The following KHDRBS2 variants were observed in gnomAD, a reference collection of about 807,000 sequenced individuals.
KHDRBS2 encodes the protein KH RNA binding domain containing, signal transduction associated 2, also known as KH domain-containing, RNA-binding, signal transduction-associated protein 2.
KHDRBS2 carries 26 observed loss-of-function variants against 44.3 expected under a neutral mutation model. That is an observed-to-expected ratio of 0.59 (90% CI 0.43 to 0.81). KHDRBS2 has a LOEUF of 0.81. Ranked by LOEUF, KHDRBS2 falls within the 40% of genes least tolerant of loss-of-function variation. The pLI is 0.00. For missense variants in KHDRBS2, 476 were observed against 433.1 expected (o/e 1.10, Z -0.88); for synonymous variants, 194 against 151.1 (o/e 1.28, Z -2.08).
At chr6:61,679,142 G>T (rs1349025553), downstream of KHDRBS2, among the ~76,000 whole-genome samples, 2 of 151,744 alleles carry the variant, frequency 1.3e-5, no homozygotes, top group Admixed American at 6.6e-5. Context: ...CAATCACATC[G>T]ACAAAAAGCC....
At chr6:62,018,478 G>T (rs1344308857) in intron 3 of KHDRBS2, among the ~76,000 whole-genome samples, 1 of 152,054 alleles carries the variant, frequency 6.6e-6, no homozygotes, top group Non-Finnish European at 1.5e-5. Context: ...CTCCGGAGTA[G>T]CTGGGACTAC....
chr6:62,255,780 C>G (rs371616876), intron 1 of KHDRBS2, among the ~76,000 whole-genome samples: 2 of 151,858 alleles, frequency 1.3e-5, no homozygotes, highest in East Asian at 1.9e-4. Flanking sequence ...GTAAAACCAT[C>G]CTATACGCTT....
chr6:61,578,991 G>C, the KHDRBS2 span, among the ~76,000 whole-genome samples: 3 of 152,162 alleles, frequency 2.0e-5, no homozygotes, highest in African/African-American at 7.2e-5. Context: ...CAAACACAAA[G>C]TGTGACAGCT....
chr6:62,105,768 T>G (rs1473184695), intron 2 of KHDRBS2, among the ~76,000 whole-genome samples: 3 of 152,132 alleles, frequency 2.0e-5, no homozygotes, highest in African/African-American at 2.4e-5. Flanking sequence ...TTTTTGTGTC[T>G]CTATTTCCTT....
chr6:62,073,765 T>G (rs138712423), intron 2 of KHDRBS2, among the ~76,000 whole-genome samples: 89 of 151,854 alleles, frequency 5.9e-4, no homozygotes, highest in African/African-American at 1.8e-3. Context: ...TATCCCATGT[T>G]GTTTTTATCA....
intron 6 of KHDRBS2, among the ~76,000 whole-genome samples, chr6:61,798,512 T>G (rs1452341016): frequency 6.6e-6 from 1 of 152,132 alleles, no homozygotes. Flanking sequence ...GTATGAAACA[T>G]AAATGTTTTG....
At position 62,223,090 on chromosome 6, in the gene KHDRBS2, C is replaced by T. The variant is rs186739691; in HGVS notation, c.92-45778G>A. Among the ~76,000 whole-genome samples, 532 of 152,346 alleles carry T rather than the reference C, an allele frequency of 3.5e-3. 2 individuals are homozygous for T. Among genetic ancestry groups the T allele is most frequent in the African/African-American group, 0.012 (516 of 41,592 alleles). On this transcript the variant is annotated intron_variant, in intron 1 of 8. Coordinates refer to ENST00000281156, the MANE Select transcript of KHDRBS2 (RefSeq NM_152688.4). ...GCCAACTCCACATTTCCCTTCTGCA[C>T]AGTCCTAGCAAAGGTTCTCCATGAC...
chr6:62,246,442 C>T (rs1585401110), intron 1 of KHDRBS2, among the ~76,000 whole-genome samples: 2 of 151,892 alleles, frequency 1.3e-5, no homozygotes, highest in African/African-American at 4.8e-5. Context: ...CATGTGGTTT[C>T]TTAGATTTAC....
At chr6:62,111,339 C>T (rs1804942361) in intron 2 of KHDRBS2, among the ~76,000 whole-genome samples, 1 of 152,050 alleles carries the variant, frequency 6.6e-6, no homozygotes, top group Non-Finnish European at 1.5e-5. Context: ...CCTAAATGAA[C>T]TAAATGAACT....
intron 1 of KHDRBS2, among the ~76,000 whole-genome samples, chr6:62,246,434 T>C (rs1465455713): frequency 1.3e-5 from 2 of 152,068 alleles, no homozygotes; most frequent in African/African-American, 4.8e-5. Context: ...ATTTTTCACA[T>C]GTGGTTTCTT....
At chr6:62,242,819 C>T (rs1386047225) in intron 1 of KHDRBS2, among the ~76,000 whole-genome samples, 1 of 152,138 alleles carries the variant, frequency 6.6e-6, no homozygotes, top group Non-Finnish European at 1.5e-5. Context: ...GACATCTGCC[C>T]TTATGGCAGT....
At chr6:61,837,739 G>C (rs1792939398) in intron 6 of KHDRBS2, among the ~76,000 whole-genome samples, 1 of 151,900 alleles carries the variant, frequency 6.6e-6, no homozygotes, top group Non-Finnish European at 1.5e-5. Flanking sequence ...CTTATGTACA[G>C]CAATATTCAT....
intron 2 of KHDRBS2, among the ~76,000 whole-genome samples, chr6:62,056,588 TA>T (rs1340123500): frequency 6.6e-6 from 1 of 152,032 alleles, no homozygotes; most frequent in African/African-American, 2.4e-5. Context: ...ACATGAAAGT[TA>T]AACATATTAT....
chr6:61,801,341 A>T (rs1219348289), intron 6 of KHDRBS2, among the ~76,000 whole-genome samples: 1 of 152,162 alleles, frequency 6.6e-6, no homozygotes, highest in Non-Finnish European at 1.5e-5. Flanking sequence ...ATGGTGCTAA[A>T]AGCATACAAG....
intron 2 of KHDRBS2, among the ~76,000 whole-genome samples, chr6:62,145,674 C>G (rs1227607027): frequency 6.6e-6 from 1 of 151,798 alleles, no homozygotes; most frequent in African/African-American, 2.4e-5. Flanking sequence ...TGTATCATGT[C>G]TACTGTAGAG....
intron 6 of KHDRBS2, among the ~76,000 whole-genome samples, chr6:61,747,463 T>C (rs1299438118): frequency 2.0e-5 from 3 of 152,216 alleles, no homozygotes; most frequent in Admixed American, 2.0e-4. Context: ...AGTAATATTT[T>C]TTCAATTAGA....
intron 6 of KHDRBS2, among the ~76,000 whole-genome samples, chr6:61,875,964 G>A (rs1162532707): frequency 6.6e-6 from 1 of 152,042 alleles, no homozygotes; most frequent in East Asian, 1.9e-4. Context: ...AATCTTAAAA[G>A]ATTCAGGTAT....
At chr6:61,594,357 G>T in the KHDRBS2 span, among the ~76,000 whole-genome samples, 1 of 151,980 alleles carries the variant, frequency 6.6e-6, no homozygotes, top group Non-Finnish European at 1.5e-5. Flanking sequence ...TTTCTAATTG[G>T]AGTTTTCAAA....
intron 2 of KHDRBS2, among the ~76,000 whole-genome samples, chr6:62,074,504 T>G (rs1191580832): frequency 6.6e-6 from 1 of 151,876 alleles, no homozygotes; most frequent in Non-Finnish European, 1.5e-5. Flanking sequence ...GGCTTTTGAG[T>G]GGCAAGCAGC....
Sources: gnomAD v4.1 joint callset for allele counts (sites outside exome capture counted in the v4.1 genomes callset) on GRCh38, gnomAD v4.1.1 for gene constraint, MANE v1.5 for transcripts, NCBI Gene and HGNC (gene_info 2026-07-23, HGNC 2026-07-21) for gene names.